CORO2A: variants seen among roughly 807,000 people sequenced by gnomAD.
The protein encoded by CORO2A is coronin-2A.
A neutral mutation model predicts 62.4 loss-of-function variants in CORO2A; 47 were observed. The observed-to-expected ratio is 0.75, with a 90% CI of 0.60 to 0.96. The LOEUF (loss-of-function observed/expected upper bound fraction) is 0.96, where lower values mean the gene tolerates loss of function less well. CORO2A is among the 40% of genes least tolerant of loss of function. CORO2A has a pLI of 0.00. For synonymous variants in CORO2A, 273 were observed against 268.9 expected (o/e 1.02, Z -0.15); for missense variants, 610 against 684.1 (o/e 0.89, Z 1.21).
At chr9:98,126,267 C>T (rs1039573464) in intron 11 of CORO2A, among the ~76,000 whole-genome samples, 2 of 151,992 alleles carry the variant, frequency 1.3e-5, no homozygotes, top group African/African-American at 2.4e-5. Context: ...AACTCCTGAC[C>T]TCATGATCTG....
intron 2 of CORO2A, among the ~76,000 whole-genome samples, chr9:98,140,963 T>C (rs767775877): frequency 1.7e-4 from 26 of 152,156 alleles, no homozygotes; most frequent in Non-Finnish European, 2.8e-4. Context: ...ATTAAACTTA[T>C]ATAAGTTGAT....
At chr9:98,184,404 T>C (rs1487538936) in intron 1 of CORO2A, among the ~76,000 whole-genome samples, 1 of 152,174 alleles carries the variant, frequency 6.6e-6, no homozygotes, top group Non-Finnish European at 1.5e-5. Flanking sequence ...ATAATTAGCT[T>C]GATGTCTGTC....
At chr9:98,178,692 G>A (rs1828140371) in intron 1 of CORO2A, among the ~76,000 whole-genome samples, 1 of 152,142 alleles carries the variant, frequency 6.6e-6, no homozygotes, top group Admixed American at 6.5e-5. Context: ...ACCCCAGCTG[G>A]CGAGTGTGTC....
chr9:98,183,031 G>A (rs1187174637), intron 1 of CORO2A, among the ~76,000 whole-genome samples: 1 of 152,248 alleles, frequency 6.6e-6, no homozygotes, highest in South Asian at 2.1e-4. Context: ...AACACAAATC[G>A]TTAAGGGACA....
At chr9:98,135,793 C>T (rs1827477517) in intron 3 of CORO2A, among the ~76,000 whole-genome samples, 1 of 152,184 alleles carries the variant, frequency 6.6e-6, no homozygotes, top group South Asian at 2.1e-4. Flanking sequence ...ATATTTATTT[C>T]CTGGTCATCT....
chr9:98,124,605 A>G lies in CORO2A; in HGVS notation c.*169T>C. 1 of 645,516 alleles carries G rather than the reference A, an allele frequency of 1.5e-6. No individual in the cohort carries two copies. Among genetic ancestry groups the G allele is most frequent in the South Asian group, 4.1e-5 (1 of 24,510 alleles). 40.0% of individuals were successfully genotyped at this position (645,516 alleles called of 1,614,324 possible). A position where few individuals can be genotyped will look rare whatever the true frequency, so the allele number is the denominator to read the frequency against. On this transcript the variant is annotated 3_prime_UTR_variant, in exon 12 of 12. Coordinates refer to ENST00000375077, the MANE Select transcript of CORO2A (RefSeq NM_052820.4). ...ACTGTTGTTGCAAGAAGGCAAACAG[A>G]AAAACGGCACCATGTCCCACTGGAA...
intron 10 of CORO2A, among the ~76,000 whole-genome samples, chr9:98,127,202 T>G (rs1827333944): frequency 6.6e-6 from 1 of 152,232 alleles, no homozygotes; most frequent in Non-Finnish European, 1.5e-5. Flanking sequence ...CAGGGGAGGC[T>G]GGCATCATGG....
chr9:98,173,268 AG>A (rs1352443481), intron 1 of CORO2A, among the ~76,000 whole-genome samples: 2 of 152,228 alleles, frequency 1.3e-5, no homozygotes, highest in Non-Finnish European at 2.9e-5. Context: ...CCGCTGGCCC[AG>A]GGGCCACTCT....
In CORO2A at chr9:98,122,519, A is replaced by T. The variant is rs928842872; in HGVS notation, c.*2255T>A. 2.0e-5 allele frequency: 3 copies of T among 151,642 alleles called. No individual in the cohort carries two copies. Among genetic ancestry groups the T allele is most frequent in the South Asian group, 2.1e-4 (1 of 4,748 alleles). The allele number at this position is 151,642 out of a possible 1,614,324, so 9.4% of individuals were successfully genotyped here. A position where few individuals can be genotyped will look rare whatever the true frequency, so the allele number is the denominator to read the frequency against. On this transcript the variant is annotated 3_prime_UTR_variant, in exon 12 of 12. Transcript: ENST00000375077. ...ACCAATTTCACTTCTAATCATTCCC[A>T]GTCTCTTGGTGGACTATTGTATTGA...
intron 1 of CORO2A, among the ~76,000 whole-genome samples, chr9:98,189,888 T>TTTA (rs1491183760): frequency 9.7e-5 from 8 of 82,660 alleles, no homozygotes; most frequent in African/African-American, 6.0e-4. Context: ...AACTCCTTTA[T>TTTA]TTTTTTTTTT....
intron 3 of CORO2A, 29 bp from the exon 4 acceptor site, chr9:98,134,984 C>A: frequency 2.5e-6 from 4 of 1,609,464 alleles, no homozygotes; most frequent in Non-Finnish European, 3.4e-6. Context: ...CCCAAGGCAG[C>A]ATTAGCCAGG....
chr9:98,152,424 G>A (rs1564208429), intron 2 of CORO2A, among the ~76,000 whole-genome samples: 1 of 151,920 alleles, frequency 6.6e-6, no homozygotes, highest in Non-Finnish European at 1.5e-5. Flanking sequence ...TGAGTAGCTG[G>A]GACTACAGGC....
intron 6 of CORO2A, 80 bp from the exon 7 acceptor site, chr9:98,131,139 G>T: frequency 2.2e-6 from 2 of 908,588 alleles, no homozygotes; most frequent in African/African-American, 1.6e-5. Context: ...AAGAATTGCT[G>T]CCATGGTGCT....
intron 1 of CORO2A, among the ~76,000 whole-genome samples, chr9:98,167,556 T>C (rs1827978702): frequency 6.6e-6 from 1 of 152,184 alleles, no homozygotes; most frequent in African/African-American, 2.4e-5. Flanking sequence ...CAAGGGTCAT[T>C]ACAGTTCAGA....
intron 4 of CORO2A, among the ~76,000 whole-genome samples, chr9:98,134,368 G>T (rs1465085937): frequency 1.3e-5 from 2 of 152,166 alleles, no homozygotes; most frequent in African/African-American, 2.4e-5. Context: ...TCCACTCCGG[G>T]CAGGCTATAA....
At chr9:98,151,975 C>T (rs986778629) in intron 2 of CORO2A, among the ~76,000 whole-genome samples, 5 of 152,092 alleles carry the variant, frequency 3.3e-5, no homozygotes, top group South Asian at 2.1e-4. Context: ...CGCCACCATG[C>T]CCGGCTAATT....
chr9:98,173,595 T>C (rs757678234), intron 1 of CORO2A, among the ~76,000 whole-genome samples: 183 of 152,282 alleles, frequency 1.2e-3, no homozygotes, highest in Non-Finnish European at 1.2e-3. Flanking sequence ...ACTCCGGAAC[T>C]GGGCGTCCCA....
At chr9:98,130,518 C>A (rs915585328) in intron 7 of CORO2A, among the ~76,000 whole-genome samples, 7 of 152,252 alleles carry the variant, frequency 4.6e-5, no homozygotes, top group Non-Finnish European at 1.0e-4. Flanking sequence ...AAAGTCAGAA[C>A]TGGGGTGGCC....
chr9:98,159,133 C>T (rs920045192), intron 1 of CORO2A, among the ~76,000 whole-genome samples: 2 of 150,956 alleles, frequency 1.3e-5, no homozygotes, highest in Non-Finnish European at 2.9e-5. Flanking sequence ...GATCATAGCT[C>T]GCTGCAGCCT....
Sources: gnomAD v4.1 joint callset for allele counts (sites outside exome capture counted in the v4.1 genomes callset) on GRCh38, gnomAD v4.1.1 for gene constraint, MANE v1.5 for transcripts, NCBI Gene and HGNC (gene_info 2026-07-23, HGNC 2026-07-21) for gene names.